The following IRAG1 variants were observed in gnomAD, a reference collection of about 807,000 sequenced individuals.
IRAG1 encodes inositol 1,4,5-triphosphate receptor associated 1, also known as IP3R-associated cGMP kinase substrate.
IRAG1 carries 62 observed loss-of-function variants against 106.2 expected under a neutral mutation model. That is an observed-to-expected ratio of 0.58 (90% CI 0.48 to 0.72). The LOEUF is 0.72. Among genes scored for constraint, IRAG1 ranks in the 30% least tolerant of loss-of-function variants. The pLI, the probability that IRAG1 is intolerant of heterozygous loss-of-function variation, is 0.00. For missense variants in IRAG1, 1,064 were observed against 1,140.7 expected, an observed-to-expected ratio of 0.93 and a Z score of 0.97; for synonymous variants, 462 against 443.9, an observed-to-expected ratio of 1.04 and a Z score of -0.51.
intron 15 of IRAG1, chr11:10,595,808 G>C (rs887700764): frequency 6.6e-6 from 1 of 152,120 alleles, no homozygotes; most frequent in African/African-American, 2.4e-5. Context: ...ATTAAGCCTA[G>C]TAGACAGCAT....
At position 10,579,257 on chromosome 11, in the gene IRAG1, A is replaced by T. The variant is rs189929243; in HGVS notation, c.2495+1198T>A. 1.3e-3 allele frequency among the ~76,000 whole-genome samples: 193 copies of T among 152,234 alleles called. 1 individual carries two copies. Among genetic ancestry groups the T allele is most frequent in the Middle Eastern group, 3.4e-3 (1 of 294 alleles). On this transcript the variant is annotated intron_variant, in intron 20 of 20. Coordinates refer to ENST00000423302, the MANE Select transcript of IRAG1 (RefSeq NM_130385.4). Reference sequence around the variant, plus strand: ...ATTCTCCACCAACTGGGCTCTATTGATAGCTCCTGTGTGCCTATCCATTTT... The same window carrying T: ...ATTCTCCACCAACTGGGCTCTATTGTTAGCTCCTGTGTGCCTATCCATTTT...
Position 10,582,054 on chromosome 11 carries a change from T to C in IRAG1, c.2241-68A>G, listed in dbSNP as rs895646716. On this transcript the variant is annotated intron_variant, in intron 18 of 20. Transcript: ENST00000423302. ...GTGGAGGCCTAAAAACAAAACCATGTTTTTGGCCCGATTCCTGATTAGGAG... is the reference window on the plus strand; with the variant it reads ...GTGGAGGCCTAAAAACAAAACCATGCTTTTGGCCCGATTCCTGATTAGGAG... 19 of 1,532,098 alleles carry C rather than the reference T, an allele frequency of 1.2e-5. No homozygotes were observed. The African/African-American group carries it at 1.9e-4, about 16-fold the overall frequency. 94.9% of individuals were successfully genotyped at this position (1,532,098 alleles called of 1,614,324 possible).
chr11:10,577,357 C>G (rs993530534), intron 20 of IRAG1, among the ~76,000 whole-genome samples: 1 of 152,092 alleles, frequency 6.6e-6, no homozygotes, highest in Non-Finnish European at 1.5e-5. Flanking sequence ...CCTTTTCCCT[C>G]TTGATTCCTT....
At chr11:10,593,368 T>A (rs1478138532) in intron 17 of IRAG1, 124 bp downstream of exon 17, 1 of 682,840 alleles carries the variant, frequency 1.5e-6, no homozygotes, top group African/African-American at 1.8e-5. Flanking sequence ...CAGATTCTAT[T>A]CTGGAAATTT....
At chr11:10,641,627 C>T (rs1050601148) in intron 2 of IRAG1, among the ~76,000 whole-genome samples, 1 of 152,174 alleles carries the variant, frequency 6.6e-6, no homozygotes, top group Admixed American at 6.5e-5. Context: ...AGACCCCCCT[C>T]GTGTTTTCTC....
chr11:10,587,977 C>G (rs1484574009), intron 18 of IRAG1, among the ~76,000 whole-genome samples: 1 of 152,198 alleles, frequency 6.6e-6, no homozygotes, highest in Non-Finnish European at 1.5e-5. Context: ...AATAGTACAC[C>G]TACCTCATGG....
intron 1 of IRAG1, among the ~76,000 whole-genome samples, chr11:10,676,952 T>G (rs1860730062): frequency 1.3e-5 from 2 of 152,290 alleles, no homozygotes; most frequent in African/African-American, 4.8e-5. Flanking sequence ...CCTCAGTCTC[T>G]CGTTCTTCAG....
chr11:10,682,681 G>T (rs1443753293), intron 1 of IRAG1, among the ~76,000 whole-genome samples: 2 of 152,188 alleles, frequency 1.3e-5, no homozygotes, highest in Admixed American at 1.3e-4. Flanking sequence ...TCTGTATATG[G>T]GGTTGCAGAG....
intron 13 of IRAG1, among the ~76,000 whole-genome samples, chr11:10,604,172 C>T (rs1854284901): frequency 6.6e-6 from 1 of 152,224 alleles, no homozygotes; most frequent in Non-Finnish European, 1.5e-5. Context: ...ACCCTGCCCC[C>T]TTCTGAGAAG....
intron 1 of IRAG1, among the ~76,000 whole-genome samples, chr11:10,691,438 C>A (rs536855317): frequency 2.7e-4 from 41 of 152,110 alleles, no homozygotes; most frequent in African/African-American, 9.7e-4. Flanking sequence ...GGACCCATCA[C>A]GTATAGTTCA....
rs183625231 is a variant in IRAG1, at chr11:10,628,600, C to T, written c.652+151G>A. The T allele has an allele frequency of 2.0e-4, 131 of 657,302 alleles. No homozygotes were observed. The Middle Eastern group carries it at 2.5e-3, about 13-fold the overall frequency. The allele number at this position is 657,302 out of a possible 1,614,324, so 40.7% of individuals were successfully genotyped here. On this transcript the variant is annotated intron_variant, in intron 6 of 20. Coordinates refer to ENST00000423302, the MANE Select transcript of IRAG1 (RefSeq NM_130385.4). This position sits in a 1 kb window ranked among gnomAD's most constrained non-coding sequence, Gnocchi z 4.1. ...TCTGGGTGGCCCAGCAAATGCCCCC[C>T]CTGGAGAGGGGTCTTGCTCTGGGTG...
At chr11:10,689,082 G>T (rs1438618141) in intron 1 of IRAG1, among the ~76,000 whole-genome samples, 1 of 152,192 alleles carries the variant, frequency 6.6e-6, no homozygotes, top group Non-Finnish European at 1.5e-5. Flanking sequence ...ATTTAAAAGG[G>T]AAACTTTATA....
In IRAG1 at chr11:10,688,653, T is replaced by C. The variant is rs1861839553; in HGVS notation, c.67+4883A>G. Reference sequence around the variant, plus strand: ...TTCCTGTTGGTTTTGCTGGGATGACTCAACTTCCCCAACACCCTGCACTCA... The same window carrying C: ...TTCCTGTTGGTTTTGCTGGGATGACCCAACTTCCCCAACACCCTGCACTCA... On this transcript the variant is annotated intron_variant, in intron 1 of 20. Coordinates refer to ENST00000423302, the MANE Select transcript of IRAG1 (RefSeq NM_130385.4). 2.0e-5 allele frequency among the ~76,000 whole-genome samples: 3 copies of C among 152,076 alleles called. No individual in the cohort carries two copies. In the South Asian group the frequency reaches 6.2e-4, roughly 32 times the overall value.
rs111531465 is a variant in IRAG1, at chr11:10,660,541, C to G, written c.68-8359G>C. ...TCCCCCCAGAGAGCTGGCCGTGGAA[C>G]ATTGCCAGCACACCACTGAGCTACT... On this transcript the variant is annotated intron_variant, in intron 1 of 20. Transcript: ENST00000423302. Among the ~76,000 whole-genome samples the G allele has an allele frequency of 3.2e-3, 493 of 152,308 alleles. 4 individuals are homozygous for G. Among genetic ancestry groups the G allele is most frequent in the African/African-American group, 0.011 (457 of 41,558 alleles).
intron 13 of IRAG1, 96 bp downstream of exon 13, chr11:10,604,309 G>C: frequency 6.8e-7 from 1 of 1,479,042 alleles, no homozygotes; most frequent in South Asian, 1.3e-5. Flanking sequence ...CACTTCAGGA[G>C]ACTATACTTG....
At chr11:10,590,917 A>G (rs914581789) in intron 18 of IRAG1, among the ~76,000 whole-genome samples, 2 of 152,238 alleles carry the variant, frequency 1.3e-5, no homozygotes, top group Admixed American at 1.3e-4. Flanking sequence ...CCCAGGGAAT[A>G]GTTTAATCCC....
intron 10 of IRAG1, among the ~76,000 whole-genome samples, chr11:10,621,807 G>C (rs1400719254): frequency 6.6e-6 from 1 of 152,146 alleles, no homozygotes; most frequent in East Asian, 1.9e-4. Context: ...TAGGTGACAC[G>C]GATGAACCTT....
chr11:10,680,547 G>C, intron 1 of IRAG1, among the ~76,000 whole-genome samples: 1 of 141,182 alleles, frequency 7.1e-6, no homozygotes, highest in African/African-American at 2.9e-5. Context: ...AAGGGGAAGG[G>C]GAAGGGGAAG....
At chr11:10,672,689 T>C (rs1860338518) in intron 1 of IRAG1, among the ~76,000 whole-genome samples, 1 of 152,282 alleles carries the variant, frequency 6.6e-6, no homozygotes, top group East Asian at 1.9e-4. Context: ...GACTAGGATG[T>C]GAAGAAACTA....
Sources: gnomAD v4.1 joint callset for allele counts (sites outside exome capture counted in the v4.1 genomes callset) on GRCh38, gnomAD v4.1.1 for gene constraint, Gnocchi (gnomAD v3.1) non-coding constraint, MANE v1.5 for transcripts, NCBI Gene and HGNC (gene_info 2026-07-23, HGNC 2026-07-21) for gene names.